The following OTOF variants were observed in gnomAD, a reference collection of about 807,000 sequenced individuals.
OTOF encodes fer-1-like family member 2.
Under a neutral mutation model 236.8 loss-of-function variants are expected in OTOF, and 218 were observed. The ratio of observed to expected loss-of-function variants is 0.92; its 90% CI spans 0.82 to 1.03. The LOEUF (loss-of-function observed/expected upper bound fraction) is 1.03, where lower values mean the gene tolerates loss of function less well. Among genes scored for constraint, OTOF ranks in the 50% least tolerant of loss-of-function variants. The pLI, the probability that OTOF is intolerant of heterozygous loss-of-function variation, is 0.00. For missense variants in OTOF, 2,590 were observed against 2,694.4 expected (o/e 0.96, Z 0.86); for synonymous variants, 1,041 against 1,072.5 (o/e 0.97, Z 0.57).
chr2:26,539,104 C>T (rs1185499698), intron 1 of OTOF, among the ~76,000 whole-genome samples: 3 of 152,076 alleles, frequency 2.0e-5, no homozygotes, highest in Non-Finnish European at 4.4e-5. Flanking sequence ...TGAGTCACCG[C>T]GCCAGGCCTC....
rs781079783 is a variant in OTOF, at chr2:26,468,522, G to T, written c.4024-48C>A. On this transcript the variant is annotated intron_variant, in intron 32 of 46. Coordinates refer to ENST00000272371, the MANE Select transcript of OTOF (RefSeq NM_194248.3). The stretch of plus-strand genomic sequence containing the variant: ...GGACAGAAGGTGGGTTTCCTGGGGA[G>T]GAGTCTGTTGACCCCAAATTGTGGG... 18 of 1,487,174 alleles carry T rather than the reference G, an allele frequency of 1.2e-5. No individual in the cohort carries two copies. The Admixed American group carries it at 3.0e-4, about 25-fold the overall frequency. 92.1% of individuals were successfully genotyped at this position (1,487,174 alleles called of 1,614,324 possible).
chr2:26,522,006 G>C (rs568278800), intron 3 of OTOF, among the ~76,000 whole-genome samples: 1 of 152,336 alleles, frequency 6.6e-6, no homozygotes, highest in East Asian at 1.9e-4. Context: ...CTCCTTTGCA[G>C]GATGGGCTTC....
intron 1 of OTOF, among the ~76,000 whole-genome samples, chr2:26,546,102 T>C (rs534365806): frequency 6.6e-6 from 1 of 152,280 alleles, no homozygotes; most frequent in East Asian, 1.9e-4. Flanking sequence ...TGTATATGTA[T>C]TATGTACTGT....
intron 1 of OTOF, among the ~76,000 whole-genome samples, chr2:26,538,793 G>A (rs1469914546): frequency 6.6e-6 from 1 of 150,590 alleles, no homozygotes; most frequent in Non-Finnish European, 1.5e-5. Context: ...GAGCCAACAG[G>A]GCACCAGTGC....
chr2:26,490,104 T>A (rs2148067406), intron 9 of OTOF, among the ~76,000 whole-genome samples: 1 of 152,336 alleles, frequency 6.6e-6, no homozygotes, highest in South Asian at 2.1e-4. Flanking sequence ...TGTGTGGCCT[T>A]GAGCAACACA....
chr2:26,487,222 T>C (rs1665721965), intron 11 of OTOF, among the ~76,000 whole-genome samples: 1 of 152,174 alleles, frequency 6.6e-6, no homozygotes, highest in South Asian at 2.1e-4. Flanking sequence ...GGGAGCATGC[T>C]GTCCAACAAT....
intron 3 of OTOF, among the ~76,000 whole-genome samples, chr2:26,520,281 C>G (rs1410087949): frequency 6.6e-6 from 1 of 152,166 alleles, no homozygotes; most frequent in East Asian, 1.9e-4. Context: ...TAGAGGAAGA[C>G]AGTGAGGCCA....
chr2:26,503,352 GA>G (rs2148079608), intron 6 of OTOF, among the ~76,000 whole-genome samples: 1 of 152,314 alleles, frequency 6.6e-6, no homozygotes, highest in East Asian at 1.9e-4. Flanking sequence ...GCGGCCCCAG[GA>G]CCTCCCCAAA....
At chr2:26,554,165 CAAAAAAAA>C (rs34196608) in intron 1 of OTOF, among the ~76,000 whole-genome samples, 1 of 79,594 alleles carries the variant, frequency 1.3e-5, no homozygotes. Context: ...GAGCGAGACT[CAAAAAAAA>C]AAAAAAAAAA....
rs1026905596 is a variant in OTOF at position 26,474,736 on chromosome 2, T to C, written c.3127-62A>G. ...TGCTGTCCACACCTGTGATCTCGTT[T>C]GGTCCTTACCACAGCGCCATGAGTT... is the stretch of plus-strand genomic sequence containing the variant. On this transcript the variant is annotated intron_variant, in intron 25 of 46. Transcript: ENST00000272371. 6.3e-6 allele frequency: 10 copies of C among 1,581,518 alleles called. No individual in the cohort carries two copies. In the South Asian group the frequency reaches 1.1e-4, roughly 17 times the overall value.
chr2:26,471,109 C>T lies in OTOF; in HGVS notation c.3894+12G>A, dbSNP rs200458304. 3.9e-5 allele frequency: 63 copies of T among 1,614,020 alleles called. No homozygotes were observed. In the East Asian group the frequency reaches 1.4e-3, roughly 35 times the overall value. On this transcript the variant is annotated intron_variant, in intron 31 of 46. Transcript: ENST00000272371. ...TCTCACCCCAGAGCCCCTGCATGGCCCCCACACTCACCACATCCACCTTGA... is the reference window on the plus strand; with the variant it reads ...TCTCACCCCAGAGCCCCTGCATGGCTCCCACACTCACCACATCCACCTTGA...
Position 26,477,337 on chromosome 2 carries a change from G to C in OTOF, c.2407-49C>G. 6.3e-7 allele frequency: 1 copy of C among 1,594,194 alleles called. No individual in the cohort carries two copies. The highest frequency in any genetic ancestry group is 1.1e-5 in the South Asian group (1 of 89,016). On this transcript the variant is annotated intron_variant, in intron 20 of 46. Transcript: ENST00000272371. This position sits in a 1 kb window ranked among gnomAD's most constrained non-coding sequence, Gnocchi z 4.7. ...AACCCAGCAACTGGGGGACAGCTCG[G>C]GCCATGACAAAGGGGGTTGTGACAC...
At position 26,514,266 on chromosome 2, in the gene OTOF, C is replaced by T. The variant is rs1479637602; in HGVS notation, c.509+2152G>A. Among the ~76,000 whole-genome samples, 12 of 152,390 alleles carry T rather than the reference C, an allele frequency of 7.9e-5. No homozygotes were observed. In the South Asian group the frequency reaches 1.2e-3, roughly 16 times the overall value. On this transcript the variant is annotated intron_variant, in intron 5 of 46. Coordinates refer to ENST00000272371, the MANE Select transcript of OTOF (RefSeq NM_194248.3). ...AATGCAGGGTGGGGGTGCCTGGCTTCGGCTGTCACCCTCTCCCAATTCCCA... is the reference window on the plus strand; with the variant it reads ...AATGCAGGGTGGGGGTGCCTGGCTTTGGCTGTCACCCTCTCCCAATTCCCA...
intron 25 of OTOF, 123 bp downstream of exon 25, chr2:26,475,236 T>C (rs1665193911): frequency 4.4e-6 from 5 of 1,145,060 alleles, no homozygotes; most frequent in South Asian, 1.3e-5. Flanking sequence ...AGCCAGCACC[T>C]GGCCAAGGAG....
intron 23 of OTOF, 41 bp from the exon 24 acceptor site, chr2:26,476,079 C>A: frequency 6.2e-7 from 1 of 1,611,528 alleles, no homozygotes; most frequent in Non-Finnish European, 8.5e-7. Flanking sequence ...ATGGGCAGCC[C>A]CTCCGGCCCC....
intron 2 of OTOF, among the ~76,000 whole-genome samples, chr2:26,529,390 T>C (rs1381604104): frequency 2.0e-5 from 3 of 152,200 alleles, no homozygotes; most frequent in Non-Finnish European, 4.4e-5. Context: ...TGGGGAACTT[T>C]TTCTTATGCA....
At chr2:26,494,837 C>T in intron 9 of OTOF, 105 bp downstream of exon 9, 3 of 1,337,880 alleles carry the variant, frequency 2.2e-6, no homozygotes, top group Non-Finnish European at 3.2e-6. Flanking sequence ...TGCTGGTAGC[C>T]CTGTGTGCTC....
Position 26,484,602 on chromosome 2 carries a change from C to G in OTOF, c.1077G>C (p.Leu359=), listed in dbSNP as rs1665656443. ...EHQFHHKWAI[L]SDPDDISSGL... is the part of the protein sequence containing the mutation. ...CCGAGGAGATGTCATCGGGGTCAGA[C>G]AGGATGGCCCACTTGTGATGGAACT... The change falls in exon 12 of 47, where the codon CTG becomes CTC. Residue 359 remains leucine (L), a synonymous_variant. Transcript: ENST00000272371. The G allele has an allele frequency of 6.2e-7, 1 of 1,613,798 alleles. No individual in the cohort carries two copies. The highest frequency in any genetic ancestry group is 1.3e-5 in the African/African-American group (1 of 74,916).
At chr2:26,492,846 G>T (rs1467249493) in intron 9 of OTOF, among the ~76,000 whole-genome samples, 1 of 152,224 alleles carries the variant, frequency 6.6e-6, no homozygotes, top group East Asian at 1.9e-4. Flanking sequence ...AAGAACATTT[G>T]AGCTGGGCCC....
Sources: allele counts gnomAD v4.1 joint callset (sites outside exome capture counted in the v4.1 genomes callset), GRCh38; gene constraint gnomAD v4.1.1; non-coding constraint Gnocchi (gnomAD v3.1); transcripts MANE v1.5; gene names NCBI Gene and HGNC (gene_info 2026-07-23, HGNC 2026-07-21).